SBNO2: variants seen among roughly 807,000 people sequenced by gnomAD.
SBNO2 encodes the protein strawberry notch homolog 2, also known as protein strawberry notch homolog 2.
In SBNO2, 89 loss-of-function variants were observed where a neutral mutation model predicts 146.3. That is an observed-to-expected ratio of 0.61 (90% CI 0.51 to 0.73). SBNO2 has a LOEUF of 0.73. Ranked by LOEUF, SBNO2 falls within the 30% of genes least tolerant of loss-of-function variation. SBNO2 has a pLI of 0.00. For synonymous variants in SBNO2, 1,147 were observed against 892.6 expected (o/e 1.29, Z -5.08); for missense variants, 2,092 against 2,003.7 (o/e 1.04, Z -0.84).
At chr19:1,147,586 A>AG (rs926183808) in intron 3 of SBNO2, among the ~76,000 whole-genome samples, 166 bp from the exon 4 acceptor site, 4 of 151,920 alleles carry the variant, frequency 2.6e-5, no homozygotes, top group African/African-American at 9.7e-5. Context: ...AGGGGCCTCC[A>AG]GGGGGGTGGT....
chr19:1,138,631 C>G (rs1034865568), intron 4 of SBNO2, among the ~76,000 whole-genome samples: 1 of 151,846 alleles, frequency 6.6e-6, no homozygotes, highest in African/African-American at 2.4e-5. Flanking sequence ...ATCACGGACA[C>G]ACAGACAGAC....
chr19:1,166,617 G>GCGCA (rs936773451), intron 1 of SBNO2, among the ~76,000 whole-genome samples: 11 of 136,276 alleles, frequency 8.1e-5, no homozygotes, highest in African/African-American at 2.8e-4. Context: ...AACTGCACGC[G>GCGCA]CACACACACA....
intron 4 of SBNO2, among the ~76,000 whole-genome samples, chr19:1,138,837 G>A (rs1342363021): frequency 1.4e-5 from 2 of 147,142 alleles, no homozygotes; most frequent in Non-Finnish European, 3.0e-5. Flanking sequence ...GGTCCTCCAC[G>A]CCTCCATCAC....
In SBNO2 at chr19:1,121,539, G is replaced by A. The variant is rs79834943; in HGVS notation, c.1149+600C>T. ...CTCCCAACACCCCAACACCCAAGGT[G>A]CACCCTGCAGGGCCGAGCACCAGGG... On this transcript the variant is annotated intron_variant, in intron 11 of 31. Coordinates refer to ENST00000361757, the MANE Select transcript of SBNO2 (RefSeq NM_014963.3). Among the ~76,000 whole-genome samples, 125 of 152,328 alleles carry A rather than the reference G, an allele frequency of 8.2e-4. No individual in the cohort carries two copies. In the East Asian group the frequency reaches 0.022, roughly 27 times the overall value.
At chr19:1,119,679 G>C in intron 12 of SBNO2, 58 bp from the exon 13 acceptor site, 1 of 1,439,750 alleles carries the variant, frequency 6.9e-7, no homozygotes, top group African/African-American at 1.4e-5. Context: ...GGCCGCGTCA[G>C]GGGACGACTA....
intron 6 of SBNO2, 116 bp from the exon 7 acceptor site, chr19:1,123,755 G>T: frequency 8.7e-7 from 1 of 1,145,948 alleles, no homozygotes; most frequent in Non-Finnish European, 1.2e-6. Flanking sequence ...CCAGGGGTGG[G>T]AGACGGCTCT....
chr19:1,111,609 G>A lies in SBNO2; in HGVS notation c.2706C>T (p.Gly902=), dbSNP rs1239451693. ...TGAGGACACAGTGCAGGGCCCGGGTGCCATACTAGGGGGAGAAGGTGACTC... is the reference window on the plus strand; with the variant it reads ...TGAGGACACAGTGCAGGGCCCGGGTACCATACTAGGGGGAGAAGGTGACTC... ...LSKYNFENKY[G]TRALHCVLTT... Residue 902 remains glycine (G), a synonymous_variant, in exon 24 of 32, where the codon GGC becomes GGT. Coordinates refer to ENST00000361757, the MANE Select transcript of SBNO2 (RefSeq NM_014963.3). The A allele has an allele frequency of 6.3e-7, 1 of 1,581,420 alleles. No individual in the cohort carries two copies. Among genetic ancestry groups the A allele is most frequent in the Non-Finnish European group, 8.6e-7 (1 of 1,163,860 alleles).
At chr19:1,146,518 G>T (rs972687593) in intron 4 of SBNO2, among the ~76,000 whole-genome samples, 1 of 152,050 alleles carries the variant, frequency 6.6e-6, no homozygotes, top group African/African-American at 2.4e-5. Flanking sequence ...GCGGAGGCTT[G>T]GGGGAGCTGA....
In SBNO2 at chr19:1,112,394, G is replaced by A. The variant is rs1213977749; in HGVS notation, c.2515+8C>T. The A allele has an allele frequency of 6.3e-6, 10 of 1,597,386 alleles. No homozygotes were observed. Among genetic ancestry groups the A allele is most frequent in the African/African-American group, 1.3e-5 (1 of 74,736 alleles). ...GCCAGGCAGCGCTGGGGGCGGGGCC[G>A]GACTCACCGAACTGCTGGATGGCGC... On this transcript the variant is annotated splice_region_variant and intron_variant, in intron 21 of 31. Coordinates refer to ENST00000361757, the MANE Select transcript of SBNO2 (RefSeq NM_014963.3). This position sits in a 1 kb window ranked among gnomAD's most constrained non-coding sequence, Gnocchi z 5.9.
chr19:1,163,516 G>A (rs540844258), intron 1 of SBNO2, among the ~76,000 whole-genome samples: 1 of 152,216 alleles, frequency 6.6e-6, no homozygotes, highest in Non-Finnish European at 1.5e-5. Context: ...CCAGCCCTGA[G>A]CCCCACGCGA....
At chr19:1,132,122 G>A (rs866169928) in intron 4 of SBNO2, 2 of 1,531,006 alleles carry the variant, frequency 1.3e-6, no homozygotes, top group Non-Finnish European at 1.8e-6. Flanking sequence ...AGCCACAGCT[G>A]CAGCTGGGAC....
In SBNO2 at chr19:1,150,433, C is replaced by A. The variant is rs185670197; in HGVS notation, c.94-991G>T. Among the ~76,000 whole-genome samples, 305 of 152,114 alleles carry A rather than the reference C, an allele frequency of 2.0e-3. No homozygotes were observed. The highest frequency in any genetic ancestry group is 6.8e-3 in the African/African-American group (281 of 41,488). ...CCTCACCTGCAGCAGAGAGACCCTGCCGTCACAGACGCCCCCACAGTCACG... is the reference window on the plus strand; with the variant it reads ...CCTCACCTGCAGCAGAGAGACCCTGACGTCACAGACGCCCCCACAGTCACG... On this transcript the variant is annotated intron_variant, in intron 2 of 31. Coordinates refer to ENST00000361757, the MANE Select transcript of SBNO2 (RefSeq NM_014963.3). The surrounding 1 kb of genome is among the most constrained non-coding windows in gnomAD (Gnocchi z 6.2).
At chr19:1,170,391 G>A (rs1020052427) in intron 1 of SBNO2, among the ~76,000 whole-genome samples, 1 of 152,154 alleles carries the variant, frequency 6.6e-6, no homozygotes, top group Non-Finnish European at 1.5e-5. Context: ...CCTCCCGGGG[G>A]TTGGGGGCGA....
chr19:1,147,811 C>G (rs139546692), intron 3 of SBNO2, among the ~76,000 whole-genome samples: 47 of 152,234 alleles, frequency 3.1e-4, no homozygotes, highest in African/African-American at 1.1e-3. Flanking sequence ...ACACCTCACT[C>G]CCGCCTCGAA....
chr19:1,115,882 T>C, intron 17 of SBNO2, 139 bp downstream of exon 17: 1 of 742,700 alleles, frequency 1.3e-6, no homozygotes, highest in Non-Finnish European at 2.4e-6. Context: ...AGCGGAGCCT[T>C]GAGCCTGCCT....
At chr19:1,167,998 G>A (rs904055060) in intron 1 of SBNO2, among the ~76,000 whole-genome samples, 8 of 152,242 alleles carry the variant, frequency 5.3e-5, no homozygotes, top group African/African-American at 1.2e-4. Context: ...GGCAGGAGCC[G>A]CCTCACCAGA....
intron 4 of SBNO2, among the ~76,000 whole-genome samples, chr19:1,135,163 A>ACCAG (rs2080074137): frequency 6.6e-6 from 1 of 151,844 alleles, no homozygotes; most frequent in Non-Finnish European, 1.5e-5. Context: ...GAAGTTCAAG[A>ACCAG]CCAGCCTGGG....
intron 1 of SBNO2, among the ~76,000 whole-genome samples, chr19:1,167,179 G>A (rs935157228): frequency 6.6e-6 from 1 of 152,264 alleles, no homozygotes; most frequent in Non-Finnish European, 1.5e-5. Flanking sequence ...GACAATGGCC[G>A]CACAGTTAGG....
chr19:1,127,272 G>A (rs1427466005), intron 5 of SBNO2, among the ~76,000 whole-genome samples: 3 of 152,302 alleles, frequency 2.0e-5, no homozygotes, highest in East Asian at 1.9e-4. Context: ...CCCCGGGTGC[G>A]GTGGACACGG....
Sources: gnomAD v4.1 joint callset for allele counts (sites outside exome capture counted in the v4.1 genomes callset) on GRCh38, gnomAD v4.1.1 for gene constraint, Gnocchi (gnomAD v3.1) non-coding constraint, MANE v1.5 for transcripts, NCBI Gene and HGNC (gene_info 2026-07-23, HGNC 2026-07-21) for gene names.